DDX59: variants seen among roughly 807,000 people sequenced by gnomAD.
The protein encoded by DDX59 is DEAD-box helicase 59.
Under a neutral mutation model 51.9 loss-of-function variants are expected in DDX59, and 30 were observed. The observed-to-expected ratio is 0.58, with a 90% CI of 0.43 to 0.78. The LOEUF (loss-of-function observed/expected upper bound fraction) is 0.78, where lower values mean the gene tolerates loss of function less well. Among genes scored for constraint, DDX59 ranks in the 30% least tolerant of loss-of-function variants. DDX59 has a pLI of 0.00. For missense variants in DDX59, 672 were observed against 730.8 expected (o/e 0.92, Z 0.93); for synonymous variants, 255 against 253.3 (o/e 1.01, Z -0.06).
In DDX59 at chr1:200,666,687, T is replaced by C; in HGVS notation, c.54A>G (p.Lys18=). ...KIKRNANDDG[K]SCVAKIIKPD... The stretch of plus-strand genomic sequence containing the variant: ...GTTTAATTATCTTAGCCACACAACT[T>C]TTGCCATCATCATTAGCATTCCTCT... Residue 18 remains lysine (K), a synonymous_variant, in exon 2 of 8, where the codon AAA becomes AAG. Transcript: ENST00000331314. 1 of 1,614,082 alleles carries C rather than the reference T, an allele frequency of 6.2e-7. No individual in the cohort carries two copies. The highest frequency in any genetic ancestry group is 8.5e-7 in the Non-Finnish European group (1 of 1,179,940).
intron 1 of DDX59, chr1:200,669,508 T>G (rs1392175617): frequency 6.6e-6 from 1 of 152,366 alleles, no homozygotes; most frequent in African/African-American, 2.4e-5. Flanking sequence ...CGCACCCCCG[T>G]GCACTGGCGG....
intron 4 of DDX59, among the ~76,000 whole-genome samples, chr1:200,657,236 G>C (rs1161600505): frequency 7.9e-6 from 1 of 126,676 alleles, no homozygotes; most frequent in Non-Finnish European, 1.6e-5. Context: ...GGGTGACAGA[G>C]GGAAACTGTC....
At chr1:200,658,881 A>G in intron 4 of DDX59, 146 bp downstream of exon 4, 1 of 617,154 alleles carries the variant, frequency 1.6e-6, no homozygotes, top group South Asian at 2.2e-5. Context: ...TCAGTGCTAC[A>G]CAGGAACCTG....
intron 4 of DDX59, among the ~76,000 whole-genome samples, chr1:200,656,699 A>T (rs1413931140): frequency 2.0e-5 from 3 of 152,226 alleles, no homozygotes; most frequent in Admixed American, 2.0e-4. Context: ...AATGGTGAGC[A>T]CAGCACGAAA....
intron 5 of DDX59, among the ~76,000 whole-genome samples, chr1:200,649,429 C>T (rs1041191071): frequency 1.3e-5 from 2 of 151,808 alleles, no homozygotes; most frequent in Admixed American, 1.3e-4. Flanking sequence ...GAGTTCGAGA[C>T]CAGCCTGGCC....
chr1:200,663,834 A>G, intron 3 of DDX59, 85 bp downstream of exon 3: 1 of 1,324,298 alleles, frequency 7.6e-7, no homozygotes, highest in Admixed American at 3.1e-5. Context: ...TCATACTTTT[A>G]AAAATTCTTC....
At chr1:200,650,322 T>C (rs762738543) in intron 5 of DDX59, 103 bp downstream of exon 5, 19 of 1,256,648 alleles carry the variant, frequency 1.5e-5, no homozygotes, top group Non-Finnish European at 1.9e-5. Flanking sequence ...AGTAAATACC[T>C]ATATCAAATT....
chr1:200,643,042 A>C (rs1206175871), downstream of DDX59, among the ~76,000 whole-genome samples: 1 of 152,194 alleles, frequency 6.6e-6, no homozygotes, highest in African/African-American at 2.4e-5. Context: ...CAGTCTCTCA[A>C]ATAATATTAT....
At chr1:200,647,585 T>C (rs1180451191) in intron 7 of DDX59, among the ~76,000 whole-genome samples, 2 of 151,954 alleles carry the variant, frequency 1.3e-5, no homozygotes, top group African/African-American at 4.8e-5. Context: ...TTTTTTTTTT[T>C]TCTAAGGCAC....
chr1:200,652,007 C>CAA lies in DDX59; in HGVS notation c.1063-1333_1063-1332dup, dbSNP rs71135375. ...TGGGCTATAGAGTGAGCCTCCGTCT[C>CAA]AAAAAAAAAAAAAAAAAAAAAGATT... On this transcript the variant is annotated intron_variant, in intron 4 of 7. Coordinates refer to ENST00000331314, the MANE Select transcript of DDX59 (RefSeq NM_001031725.6). Among the ~76,000 whole-genome samples the CAA allele has an allele frequency of 4.2e-3, 347 of 82,874 alleles. 2 individuals are homozygous for CAA. The highest frequency in any genetic ancestry group is 6.6e-3 in the Non-Finnish European group (263 of 39,826). The allele number at this position is 82,874 out of a possible 152,430, so 54.4% of individuals were successfully genotyped here. A position where few individuals can be genotyped will look rare whatever the true frequency, so the allele number is the denominator to read the frequency against.
chr1:200,642,104 T>C (rs1451956046), downstream of DDX59, among the ~76,000 whole-genome samples: 2 of 152,220 alleles, frequency 1.3e-5, no homozygotes, highest in South Asian at 2.1e-4. Flanking sequence ...CTGAATATTC[T>C]AGAATCTAAA....
intron 3 of DDX59, among the ~76,000 whole-genome samples, chr1:200,659,764 T>G (rs1403023647): frequency 1.3e-5 from 2 of 152,176 alleles, no homozygotes; most frequent in East Asian, 3.8e-4. Flanking sequence ...CGTGGCTCAC[T>G]GTAGCCTCAA....
chr1:200,662,098 A>G (rs1033451368), intron 3 of DDX59, among the ~76,000 whole-genome samples: 2 of 152,138 alleles, frequency 1.3e-5, no homozygotes, highest in Non-Finnish European at 2.9e-5. Flanking sequence ...AGAAGCCACT[A>G]TGCTTCCTGT....
At chr1:200,669,363 G>A (rs922621472) in intron 1 of DDX59, 1 of 152,170 alleles carries the variant, frequency 6.6e-6, no homozygotes, top group Non-Finnish European at 1.5e-5. Context: ...GTGGCGGGCG[G>A]GGCAGGGACG....
intron 3 of DDX59, among the ~76,000 whole-genome samples, chr1:200,661,593 G>A (rs1400028194): frequency 6.6e-6 from 1 of 152,166 alleles, no homozygotes; most frequent in African/African-American, 2.4e-5. Flanking sequence ...CCTTAAAAGG[G>A]CCAAGATTAT....
intron 6 of DDX59, 150 bp from the exon 7 acceptor site, chr1:200,648,717 T>C: frequency 5.5e-6 from 5 of 909,710 alleles, no homozygotes; most frequent in South Asian, 2.1e-5. Flanking sequence ...ACCTGAAAAA[T>C]GTATGCAGCT....
chr1:200,664,554 A>G (rs566014924), intron 2 of DDX59, among the ~76,000 whole-genome samples: 6 of 151,886 alleles, frequency 4.0e-5, no homozygotes, highest in Admixed American at 3.9e-4. Context: ...TTATGGCTCT[A>G]TTTTGGTCTT....
chr1:200,648,301 C>A, intron 7 of DDX59, 138 bp downstream of exon 7: 1 of 1,170,372 alleles, frequency 8.5e-7, no homozygotes, highest in Admixed American at 2.4e-5. Flanking sequence ...CCCGCGATGG[C>A]CTTCCAAAGT....
chr1:200,655,917 A>G (rs1661991907), intron 4 of DDX59, among the ~76,000 whole-genome samples: 1 of 150,450 alleles, frequency 6.6e-6, no homozygotes, highest in South Asian at 2.1e-4. Flanking sequence ...CGCAACCTCC[A>G]CCTCCCGGGT....
Sources: allele counts gnomAD v4.1 joint callset (sites outside exome capture counted in the v4.1 genomes callset), GRCh38; gene constraint gnomAD v4.1.1; transcripts MANE v1.5; gene names NCBI Gene and HGNC (gene_info 2026-07-23, HGNC 2026-07-21).